Variants in AUTS2 observed in about 807,000 individuals in gnomAD.
The protein encoded by AUTS2 is activator of transcription and developmental regulator AUTS2, also known as autism susceptibility gene 2 protein.
AUTS2 carries 17 observed loss-of-function variants against 112.4 expected under a neutral mutation model. That is an observed-to-expected ratio of 0.15 (90% CI 0.10 to 0.23). The LOEUF is 0.23. AUTS2 is among the 10% of genes least tolerant of loss of function. The pLI is 1.00. For missense variants in AUTS2, 1,510 were observed against 1,701.6 expected, an observed-to-expected ratio of 0.89 and a Z score of 1.98; for synonymous variants, 751 against 702.7, an observed-to-expected ratio of 1.07 and a Z score of -1.09.
At chr7:70,762,306 G>A (rs1391424402) in intron 6 of AUTS2, among the ~76,000 whole-genome samples, 2 of 152,136 alleles carry the variant, frequency 1.3e-5, no homozygotes, top group Non-Finnish European at 2.9e-5. Context: ...CTAGGCTGCT[G>A]TTTTTTCTCA....
intron 2 of AUTS2, among the ~76,000 whole-genome samples, chr7:69,969,139 C>G (rs1462622283): frequency 6.6e-6 from 1 of 152,094 alleles, no homozygotes; most frequent in Non-Finnish European, 1.5e-5. Flanking sequence ...AAACTGTACT[C>G]TGCCTTCTTA....
intron 1 of AUTS2, among the ~76,000 whole-genome samples, chr7:69,826,794 T>C (rs1791266833): frequency 6.6e-6 from 1 of 152,230 alleles, no homozygotes; most frequent in Admixed American, 6.5e-5. Flanking sequence ...ATGTTAAAGC[T>C]TAATATATTT....
chr7:70,315,036 G>A (rs183128379), intron 4 of AUTS2, among the ~76,000 whole-genome samples: 44 of 152,268 alleles, frequency 2.9e-4, no homozygotes, highest in South Asian at 8.3e-4. Context: ...TTCATAACCC[G>A]TGGATGAATA....
chr7:69,632,789 C>A (rs1357791293), intron 1 of AUTS2, among the ~76,000 whole-genome samples: 2 of 152,050 alleles, frequency 1.3e-5, no homozygotes, highest in East Asian at 1.9e-4. Flanking sequence ...ACTAAGTTTT[C>A]ATTTGGAAAA....
intron 5 of AUTS2, among the ~76,000 whole-genome samples, chr7:70,459,590 A>G (rs1796880520): frequency 6.6e-6 from 1 of 152,212 alleles, no homozygotes; most frequent in African/African-American, 2.4e-5. Flanking sequence ...TACTTTTGGG[A>G]AACCATCTCA....
intron 4 of AUTS2, among the ~76,000 whole-genome samples, chr7:70,289,603 C>G (rs930988933): frequency 1.3e-5 from 2 of 152,134 alleles, no homozygotes; most frequent in African/African-American, 4.8e-5. Context: ...GTTTATAGAG[C>G]TGTTAGGGTT....
chr7:70,038,542 A>T (rs1425236059), intron 2 of AUTS2, among the ~76,000 whole-genome samples: 3 of 152,154 alleles, frequency 2.0e-5, no homozygotes, highest in Non-Finnish European at 4.4e-5. Flanking sequence ...TTATTGTTTA[A>T]ATGTAGAAGA....
chr7:70,183,122 T>C (rs1283482309), intron 4 of AUTS2, among the ~76,000 whole-genome samples: 1 of 152,180 alleles, frequency 6.6e-6, no homozygotes, highest in East Asian at 1.9e-4. Context: ...CTGGAGATGA[T>C]CTATAATATT....
intron 2 of AUTS2, among the ~76,000 whole-genome samples, chr7:70,009,273 AC>A (rs1281869684): frequency 1.3e-5 from 2 of 152,164 alleles, no homozygotes; most frequent in East Asian, 3.9e-4. Flanking sequence ...GAAGGCAGTG[AC>A]CCCACGATCT....
chr7:70,690,503 T>C (rs1808702040), intron 5 of AUTS2, among the ~76,000 whole-genome samples: 1 of 152,174 alleles, frequency 6.6e-6, no homozygotes, highest in South Asian at 2.1e-4. Flanking sequence ...CTGAACTTCA[T>C]TATATTTAGG....
chr7:69,739,297 A>G (rs1162071986), intron 1 of AUTS2, among the ~76,000 whole-genome samples: 1 of 152,182 alleles, frequency 6.6e-6, no homozygotes, highest in East Asian at 1.9e-4. Flanking sequence ...ATACATTTAA[A>G]TAACCACTTC....
chr7:70,375,174 T>C (rs1793028739), intron 4 of AUTS2, among the ~76,000 whole-genome samples: 1 of 152,194 alleles, frequency 6.6e-6, no homozygotes, highest in Non-Finnish European at 1.5e-5. Flanking sequence ...ATTCAATATG[T>C]TAAATGTTGA....
chr7:70,131,675 T>C (rs903599548), intron 3 of AUTS2, among the ~76,000 whole-genome samples: 2 of 152,270 alleles, frequency 1.3e-5, no homozygotes, highest in African/African-American at 2.4e-5. Context: ...TGGAAAATTA[T>C]TGAAGCTACC....
intron 5 of AUTS2, among the ~76,000 whole-genome samples, chr7:70,656,944 A>G (rs1359148550): frequency 6.6e-6 from 1 of 152,204 alleles, no homozygotes; most frequent in Non-Finnish European, 1.5e-5. Flanking sequence ...TCTGTATTTT[A>G]AAAATCCCAG....
chr7:70,701,783 A>C (rs1220661967), intron 6 of AUTS2, among the ~76,000 whole-genome samples: 1 of 152,196 alleles, frequency 6.6e-6, no homozygotes, highest in Non-Finnish European at 1.5e-5. Flanking sequence ...GCCATATTTA[A>C]TCTTTATGTG....
At chr7:69,909,566 C>T (rs994298399) in intron 2 of AUTS2, among the ~76,000 whole-genome samples, 1 of 151,952 alleles carries the variant, frequency 6.6e-6, no homozygotes, top group East Asian at 1.9e-4. Flanking sequence ...AAAATATTGC[C>T]CATATCAGTG....
chr7:70,626,913 C>T (rs919590513), intron 5 of AUTS2, among the ~76,000 whole-genome samples: 5 of 152,188 alleles, frequency 3.3e-5, no homozygotes, highest in African/African-American at 7.2e-5. Context: ...TCCAGTCCAC[C>T]GTTGATGGGC....
At chr7:69,926,798 A>T (rs1358607717) in intron 2 of AUTS2, among the ~76,000 whole-genome samples, 1 of 146,900 alleles carries the variant, frequency 6.8e-6, no homozygotes, top group Non-Finnish European at 1.5e-5. Context: ...AATATATATA[A>T]AATATATATA....
intron 5 of AUTS2, among the ~76,000 whole-genome samples, chr7:70,450,326 T>C (rs760743213): frequency 2.6e-5 from 4 of 152,110 alleles, no homozygotes; most frequent in African/African-American, 4.8e-5. Context: ...AATGGCATGA[T>C]GTCTGAATGC....
Sources: gnomAD v4.1 joint callset for allele counts (sites outside exome capture counted in the v4.1 genomes callset) on GRCh38, gnomAD v4.1.1 for gene constraint, MANE v1.5 for transcripts, NCBI Gene and HGNC (gene_info 2026-07-23, HGNC 2026-07-21) for gene names.